Variants in TENM3 observed in about 807,000 individuals in gnomAD.
TENM3 encodes the protein teneurin transmembrane protein 3.
Under a neutral mutation model 255.1 loss-of-function variants are expected in TENM3, and 63 were observed. That is an observed-to-expected ratio of 0.25 (90% CI 0.20 to 0.30). TENM3 has a LOEUF of 0.30. Among genes scored for constraint, TENM3 ranks in the 10% least tolerant of loss-of-function variants. The pLI is 1.00. For synonymous variants in TENM3, 1,306 were observed against 1,322.3 expected, an observed-to-expected ratio of 0.99 and a Z score of 0.27; for missense variants, 2,929 against 3,461.1, an observed-to-expected ratio of 0.85 and a Z score of 3.86.
At chr4:182,423,613 T>TA (rs1052422982) in intron 3 of TENM3, among the ~76,000 whole-genome samples, 14 of 152,096 alleles carry the variant, frequency 9.2e-5, no homozygotes, top group African/African-American at 2.9e-4. Flanking sequence ...TACTCTTTTT[T>TA]AAAAAAATAC....
chr4:182,348,750 A>G (rs1180999131), intron 3 of TENM3, among the ~76,000 whole-genome samples: 1 of 152,200 alleles, frequency 6.6e-6, no homozygotes, highest in Non-Finnish European at 1.5e-5. Context: ...TACATCTGCT[A>G]AAAGGATCTC....
chr4:182,497,686 TC>T (rs920690486), intron 3 of TENM3, among the ~76,000 whole-genome samples: 1 of 151,990 alleles, frequency 6.6e-6, no homozygotes, highest in African/African-American at 2.4e-5. Flanking sequence ...ATTTTATGCT[TC>T]CGATACAATT....
chr4:182,659,753 T>A (rs1190429679), intron 6 of TENM3, among the ~76,000 whole-genome samples: 2 of 152,158 alleles, frequency 1.3e-5, no homozygotes, highest in Non-Finnish European at 1.5e-5. Flanking sequence ...ACACACAAAT[T>A]TGAGATATCA....
chr4:181,667,066 C>T, the TENM3 span, among the ~76,000 whole-genome samples: 2 of 152,148 alleles, frequency 1.3e-5, no homozygotes, highest in African/African-American at 4.8e-5. Flanking sequence ...TACATTCTTA[C>T]ACATGCATTT....
the TENM3 span, among the ~76,000 whole-genome samples, chr4:181,488,789 G>T: frequency 3.9e-5 from 6 of 152,096 alleles, no homozygotes; most frequent in Admixed American, 1.3e-4. Flanking sequence ...TTATCTGGCA[G>T]GTTGAATGCA....
At position 182,800,171 on chromosome 4, in the gene TENM3, G is replaced by A; in HGVS notation, c.7920G>A (p.Val2640=). 4 of 1,506,262 alleles carry A rather than the reference G, an allele frequency of 2.7e-6. No homozygotes were observed. Among genetic ancestry groups the A allele is most frequent in the Non-Finnish European group, 3.5e-6 (4 of 1,136,492 alleles). 93.3% of individuals were successfully genotyped at this position (1,506,262 alleles called of 1,614,324 possible). A position where few individuals can be genotyped will look rare whatever the true frequency, so the allele number is the denominator to read the frequency against. Residue 2640 remains valine, a synonymous_variant, in exon 28 of 28, where the codon GTG becomes GTA. Transcript: ENST00000511685. The part of the protein sequence containing the change: ...ARAWAREQQR[V]RDGEEGARLW... ...CCTGGGCGCGCGAGCAGCAGCGCGT[G>A]CGCGACGGCGAGGAGGGCGCGCGCC...
the TENM3 span, among the ~76,000 whole-genome samples, chr4:181,746,210 A>T: frequency 8.5e-5 from 13 of 152,134 alleles, no homozygotes; most frequent in Non-Finnish European, 1.3e-4. Context: ...GAGATAATGG[A>T]GAGGTTATTT....
the TENM3 span, among the ~76,000 whole-genome samples, chr4:182,025,932 C>G: frequency 6.6e-6 from 1 of 152,088 alleles, no homozygotes; most frequent in Non-Finnish European, 1.5e-5. Flanking sequence ...CCCATCAACT[C>G]GTCATTTACA....
At chr4:182,164,146 G>A (rs1451948411) in intron 1 of TENM3, among the ~76,000 whole-genome samples, 1 of 152,118 alleles carries the variant, frequency 6.6e-6, no homozygotes, top group Non-Finnish European at 1.5e-5. Context: ...GAGCCAGCAG[G>A]CACCTTCGGT....
intron 3 of TENM3, among the ~76,000 whole-genome samples, chr4:182,561,699 G>T (rs1015242628): frequency 6.6e-6 from 1 of 151,908 alleles, no homozygotes; most frequent in South Asian, 2.1e-4. Flanking sequence ...GGATCCTGTA[G>T]AATTCTATAG....
chr4:182,352,808 G>A (rs1765270480), intron 3 of TENM3, among the ~76,000 whole-genome samples: 1 of 152,078 alleles, frequency 6.6e-6, no homozygotes, highest in Non-Finnish European at 1.5e-5. Context: ...TTTGATAAAT[G>A]ACTGTAGTGA....
chr4:182,688,800 GTC>G (rs1160148585), intron 12 of TENM3, among the ~76,000 whole-genome samples: 1 of 152,096 alleles, frequency 6.6e-6, no homozygotes, highest in Non-Finnish European at 1.5e-5. Context: ...CATATCTTGA[GTC>G]TCTGCAAAAG....
Position 182,679,762 on chromosome 4 carries a change from G to T in TENM3, c.1423G>T (p.Val475Phe), listed in dbSNP as rs182946886. ...GAGAGCCGGGCGGCAGGCGAGATCC[G>T]TCAGCCTTCATGAGGCCGGCTTTAT... Reference protein sequence around the residue: ...TERAGRQARSVSLHEAGFIQY... With the variant: ...TERAGRQARSFSLHEAGFIQY... Residue 475 changes from valine to phenylalanine, a missense_variant, in exon 8 of 28, where the codon GTC becomes TTC. Val to Phe is a conservative substitution (Grantham distance 50). Around this residue, in one of 6 missense-constraint regions of TENM3, gnomAD observed 1,608 missense variants for 1,884.4 expected, o/e 0.85. Coordinates refer to ENST00000511685, the MANE Select transcript of TENM3 (RefSeq NM_001080477.4). The T allele has an allele frequency of 6.2e-7, 1 of 1,613,954 alleles. No individual in the cohort carries two copies. Among genetic ancestry groups the T allele is most frequent in the Non-Finnish European group, 8.5e-7 (1 of 1,179,896 alleles).
chr4:181,491,348 A>G, the TENM3 span, among the ~76,000 whole-genome samples: 6 of 152,224 alleles, frequency 3.9e-5, no homozygotes, highest in East Asian at 1.2e-3. Flanking sequence ...CAAGATATAA[A>G]TATAGAAGCA....
At chr4:182,077,347 G>T in the TENM3 span, among the ~76,000 whole-genome samples, 1 of 152,218 alleles carries the variant, frequency 6.6e-6, no homozygotes, top group East Asian at 1.9e-4. Context: ...TAGTGCTTTT[G>T]TCACAATATT....
At chr4:182,086,737 T>C in the TENM3 span, among the ~76,000 whole-genome samples, 1 of 152,216 alleles carries the variant, frequency 6.6e-6, no homozygotes, top group African/African-American at 2.4e-5. Context: ...AAAACCTACT[T>C]AATCTTTTGT....
At chr4:182,242,650 A>G (rs1757357388), upstream of TENM3, among the ~76,000 whole-genome samples, 1 of 152,084 alleles carries the variant, frequency 6.6e-6, no homozygotes, top group African/African-American at 2.4e-5. Flanking sequence ...GGTTCCAGCT[A>G]CCTGGGAGAC....
chr4:182,101,853 G>A, the TENM3 span, among the ~76,000 whole-genome samples: 1 of 152,166 alleles, frequency 6.6e-6, no homozygotes, highest in African/African-American at 2.4e-5. Context: ...ATTCCACAAT[G>A]TATTCATATA....
the TENM3 span, among the ~76,000 whole-genome samples, chr4:181,544,675 A>G: frequency 6.6e-6 from 1 of 152,094 alleles, no homozygotes. Flanking sequence ...TGTATTCTAA[A>G]GTCAAATATC....
Sources: allele counts gnomAD v4.1 joint callset (sites outside exome capture counted in the v4.1 genomes callset), GRCh38; gene constraint gnomAD v4.1.1; regional missense constraint gnomAD v4.1.1; transcripts MANE v1.5; gene names NCBI Gene and HGNC (gene_info 2026-07-23, HGNC 2026-07-21).